The following DENND5B variants were observed in gnomAD, a reference collection of about 807,000 sequenced individuals.
DENND5B encodes the protein DENN domain containing 5B, also known as DENN domain-containing protein 5B.
In DENND5B, 34 loss-of-function variants were observed where a neutral mutation model predicts 140.6. The ratio of observed to expected loss-of-function variants is 0.24; its 90% CI spans 0.18 to 0.32. DENND5B has a LOEUF of 0.32. Ranked by LOEUF, DENND5B falls within the 10% of genes least tolerant of loss-of-function variation. The probability of loss-of-function intolerance (pLI) is 1.00; values close to 1 mark genes in which losing one functional copy is unlikely to be tolerated. For missense variants in DENND5B, 1,142 were observed against 1,560.2 expected (o/e 0.73, Z 4.52); for synonymous variants, 551 against 562.1 (o/e 0.98, Z 0.28).
chr12:31,423,608 G>C lies in DENND5B; in HGVS notation c.2459C>G (p.Ala820Gly), dbSNP rs1458495302. 1.9e-6 allele frequency: 3 copies of C among 1,613,852 alleles called. No homozygotes were observed. Among genetic ancestry groups the C allele is most frequent in the Non-Finnish European group, 2.5e-6 (3 of 1,179,820 alleles). ...QDREEKQEHLAESPVALGPER... is the reference protein window; with the variant it reads ...QDREEKQEHLGESPVALGPER... ...CAATGATGTCATACCTGGTGATTCT[G>C]CAAGGTGCTCTTGTTTCTCTTCTCT... Residue 820 changes from alanine (A) to glycine (G), a missense_variant, in exon 11 of 21, where the codon GCA becomes GGA. Physicochemically the swap from Ala to Gly is moderately conservative, Grantham distance 60 (BLOSUM62 0). Coordinates refer to ENST00000389082, the MANE Select transcript of DENND5B (RefSeq NM_144973.4).
chr12:31,480,346 CA>C (rs1401819388), intron 2 of DENND5B, 91 bp from the exon 3 acceptor site: 49 of 1,244,476 alleles, frequency 3.9e-5, no homozygotes, highest in African/African-American at 4.6e-5. Context: ...TAACAGGATT[CA>C]AAAAGACAGG....
chr12:31,426,096 T>C (rs1047821645), intron 9 of DENND5B, among the ~76,000 whole-genome samples, 197 bp downstream of exon 9: 1 of 152,224 alleles, frequency 6.6e-6, no homozygotes, highest in African/African-American at 2.4e-5. Flanking sequence ...AAGGCTCTCA[T>C]GTCATTGATT....
At chr12:31,442,659 A>G in intron 7 of DENND5B, 116 bp downstream of exon 7, 1 of 1,087,156 alleles carries the variant, frequency 9.2e-7, no homozygotes, top group South Asian at 2.6e-5. Flanking sequence ...TAATGTGGTC[A>G]TGAAAAAAGT....
At chr12:31,424,783 A>T in intron 9 of DENND5B, 96 bp from the exon 10 acceptor site, 2 of 1,477,642 alleles carry the variant, frequency 1.4e-6, no homozygotes, top group Non-Finnish European at 9.1e-7. Flanking sequence ...TCCCTTCATT[A>T]TACTTCTATT....
chr12:31,468,256 ATTAT>A (rs558636432), intron 3 of DENND5B, among the ~76,000 whole-genome samples: 23 of 152,118 alleles, frequency 1.5e-4, no homozygotes, highest in Middle Eastern at 6.8e-3. Flanking sequence ...CCTGTCTCAA[ATTAT>A]TTATTTATTT....
chr12:31,395,942 C>CAA (rs541816511), intron 17 of DENND5B, among the ~76,000 whole-genome samples: 2,744 of 91,626 alleles, frequency 0.03, 119 homozygotes, highest in African/African-American at 0.1. Context: ...ATCACTGGGC[C>CAA]AAAAAAAAAA....
intron 3 of DENND5B, among the ~76,000 whole-genome samples, chr12:31,461,720 CAAA>C (rs1222977566): frequency 6.6e-6 from 1 of 152,094 alleles, no homozygotes; most frequent in Non-Finnish European, 1.5e-5. Context: ...GAATGAGTTA[CAAA>C]AAGAATGTTT....
chr12:31,390,350 T>G (rs1272032605), intron 19 of DENND5B, among the ~76,000 whole-genome samples: 1 of 152,222 alleles, frequency 6.6e-6, no homozygotes, highest in Non-Finnish European at 1.5e-5. Flanking sequence ...TTAAATTAAA[T>G]AGATTTGGCC....
intron 1 of DENND5B, among the ~76,000 whole-genome samples, chr12:31,498,538 C>T (rs1946872961): frequency 6.6e-6 from 1 of 152,212 alleles, no homozygotes; most frequent in East Asian, 1.9e-4. Context: ...AAACCACCAC[C>T]ACCACTGCTT....
chr12:31,431,522 A>G (rs950997866), intron 8 of DENND5B, among the ~76,000 whole-genome samples: 8 of 152,206 alleles, frequency 5.3e-5, no homozygotes, highest in Non-Finnish European at 7.3e-5. Flanking sequence ...CTTCAATTTA[A>G]TCATGTCAAA....
chr12:31,396,877 C>T (rs1387176857), intron 17 of DENND5B, among the ~76,000 whole-genome samples: 3 of 152,152 alleles, frequency 2.0e-5, no homozygotes, highest in Non-Finnish European at 2.9e-5. Context: ...CCACTTCGGC[C>T]TCCCAAAGTG....
intron 2 of DENND5B, 110 bp downstream of exon 2, chr12:31,495,693 TCACTTAA>T: frequency 1.1e-6 from 1 of 874,188 alleles, no homozygotes; most frequent in Non-Finnish European, 1.7e-6. Flanking sequence ...TCTTATAAAA[TCACTTAA>T]AGAATAAATG....
At chr12:31,448,147 T>C (rs1201439423) in intron 5 of DENND5B, among the ~76,000 whole-genome samples, 1 of 152,058 alleles carries the variant, frequency 6.6e-6, no homozygotes, top group African/African-American at 2.4e-5. Context: ...TTTTTTTTTT[T>C]CTTTGAGATG....
intron 1 of DENND5B, among the ~76,000 whole-genome samples, chr12:31,579,592 C>T (rs1035832642): frequency 6.6e-6 from 1 of 152,056 alleles, no homozygotes; most frequent in Admixed American, 6.6e-5. Context: ...ACCCAGGAGG[C>T]AGATACTGCA....
chr12:31,412,285 T>C (rs1942501369), intron 13 of DENND5B, among the ~76,000 whole-genome samples: 2 of 152,160 alleles, frequency 1.3e-5, no homozygotes, highest in African/African-American at 2.4e-5. Flanking sequence ...CAGAAGAAAT[T>C]AAAAGTTAAC....
chr12:31,574,402 C>A (rs1410185971), intron 1 of DENND5B, among the ~76,000 whole-genome samples: 1 of 151,544 alleles, frequency 6.6e-6, no homozygotes, highest in Non-Finnish European at 1.5e-5. Flanking sequence ...CCAACCTGGG[C>A]AACACAGCAA....
intron 3 of DENND5B, among the ~76,000 whole-genome samples, chr12:31,461,770 T>C (rs1945032767): frequency 1.3e-5 from 2 of 152,198 alleles, no homozygotes; most frequent in African/African-American, 2.4e-5. Context: ...GAATTGAGGA[T>C]AATGGATTGT....
In DENND5B at chr12:31,530,772, T is replaced by C. The variant is rs80041967; in HGVS notation, c.128-34853A>G. Among the ~76,000 whole-genome samples, 182 of 152,316 alleles carry C rather than the reference T, an allele frequency of 1.2e-3. 1 individual carries two copies. In the East Asian group the frequency reaches 0.031, roughly 26 times the overall value. ...CAAAGAATTTCCTTAACAAAATAAG[T>C]ACATTTACTTCTGAAAGCTTTAAGC... On this transcript the variant is annotated intron_variant, in intron 1 of 20. Transcript: ENST00000389082.
rs1943223003 is a variant in DENND5B, at chr12:31,426,167, T to C, written c.2238+126A>G. On this transcript the variant is annotated intron_variant, in intron 9 of 20. Transcript: ENST00000389082. ...CCGAGTAAAGAGCACATGAGGTCAA[T>C]GCCACAGTAAAAGTTTTCTTCTAGC... is the stretch of plus-strand genomic sequence containing the variant. 9 of 1,113,194 alleles carry C rather than the reference T, an allele frequency of 8.1e-6. No individual in the cohort carries two copies. In the South Asian group the frequency reaches 1.6e-4, roughly 20 times the overall value. The allele number at this position is 1,113,194 out of a possible 1,614,324, so 69.0% of individuals were successfully genotyped here.
Sources: allele counts gnomAD v4.1 joint callset (sites outside exome capture counted in the v4.1 genomes callset), GRCh38; gene constraint gnomAD v4.1.1; transcripts MANE v1.5; gene names NCBI Gene and HGNC (gene_info 2026-07-23, HGNC 2026-07-21).